Variants in IQANK1 observed in about 807,000 individuals in gnomAD.
IQANK1 encodes IQ motif and ankyrin repeat containing 1.
Under a neutral mutation model 22.6 loss-of-function variants are expected in IQANK1, and 30 were observed. That is an observed-to-expected ratio of 1.33 (90% CI 0.99 to 1.80). The LOEUF (loss-of-function observed/expected upper bound fraction) is 1.80, where lower values mean the gene tolerates loss of function less well. Among genes scored for constraint, IQANK1 ranks in the 40% most tolerant of loss-of-function variants. IQANK1 has a pLI of 0.00. For missense variants in IQANK1, 275 were observed against 235.2 expected (o/e 1.17, Z -1.11); for synonymous variants, 122 against 99.6 (o/e 1.23, Z -1.34).
At chr8:143,743,847 T>G (rs1554626941) in intron 3 of IQANK1, 2 of 340,600 alleles carry the variant, frequency 5.9e-6, no homozygotes, top group African/African-American at 4.4e-5. Context: ...ATTCTTTTTC[T>G]TTTTTTTTTG....
Position 143,748,432 on chromosome 8 carries a change from TATATATAAATATATATATC to T in IQANK1, c.175+8498_175+8516del, listed in dbSNP as rs1219295616. ...TGTGTTGGCTTTTGCTTCATATATG[TATATATAAATATATATATC>T]ATATATAAATATACATGATATATAA... On this transcript the variant is annotated intron_variant, in intron 3 of 13. Transcript: ENST00000527139. Among the ~76,000 whole-genome samples, 4 of 143,630 alleles carry T rather than the reference TATATATAAATATATATATC, an allele frequency of 2.8e-5. No homozygotes were observed. The East Asian group carries it at 7.8e-4, about 28-fold the overall frequency. The allele number at this position is 143,630 out of a possible 152,430, so 94.2% of individuals were successfully genotyped here.
chr8:143,779,301 G>GCAA (rs1819750617), intron 7 of IQANK1, among the ~76,000 whole-genome samples: 1 of 152,026 alleles, frequency 6.6e-6, no homozygotes, highest in Admixed American at 6.6e-5. Flanking sequence ...AGAAAATTAT[G>GCAA]AGAAAGCAAA....
chr8:143,762,966 TCTTTCCTTTC>T (rs1210538381), intron 3 of IQANK1, among the ~76,000 whole-genome samples: 1 of 149,982 alleles, frequency 6.7e-6, no homozygotes, highest in African/African-American at 2.5e-5. Flanking sequence ...TCTTTTCTTT[TCTTTCCTTTC>T]CTTTCCTTTT....
At position 143,789,835 on chromosome 8, in the gene IQANK1, G is replaced by A. The variant is rs1180047187; in HGVS notation, c.1161G>A (p.Met387Ile). The A allele has an allele frequency of 2.4e-6, 3 of 1,232,096 alleles. No homozygotes were observed. The highest frequency in any genetic ancestry group is 8.4e-5 in the Admixed American group (2 of 23,712). The allele number at this position is 1,232,096 out of a possible 1,614,324, so 76.3% of individuals were successfully genotyped here. Residue 387 changes from methionine to isoleucine, a missense_variant, in exon 11 of 14, where the codon ATG becomes ATA. Transcript: ENST00000527139. ...AGAAGGCCGAGGAGGCGCTGGCTAT[G>A]GCCAGGCTGGAGCTTCGGGAGCAGA... ...EAQKAEEALA[M>I]ARLELREQTQ...
rs1330151650 is a variant in IQANK1 at position 143,734,191 on chromosome 8, CGCCGAG to C, written c.-32_-27del. 18 of 152,178 alleles carry C rather than the reference CGCCGAG, an allele frequency of 1.2e-4. No individual in the cohort carries two copies. The highest frequency in any genetic ancestry group is 4.1e-4 in the African/African-American group (17 of 41,442). 9.4% of individuals were successfully genotyped at this position (152,178 alleles called of 1,614,324 possible). On this transcript the variant is annotated 5_prime_UTR_variant, in exon 1 of 14. Transcript: ENST00000527139. ...GCCAGGGGCGGAGCTCTGGCCTCCT[CGCCGAG>C]TTGGGGGAGGCAGGTGCGACAGGTG...
At position 143,789,193 on chromosome 8, in the gene IQANK1, A is replaced by T; in HGVS notation, c.943A>T (p.Thr315Ser). The change falls in exon 9 of 14, where the codon ACC becomes TCC. Residue 315 changes from threonine (T) to serine (S), a missense_variant. Physicochemically the swap from Thr to Ser is moderately conservative, Grantham distance 58. Coordinates refer to ENST00000527139, the MANE Select transcript of IQANK1 (RefSeq NM_001381874.1). ...CAGCTCATTCCTGCTCCTTAGTATGACCCTCAAGGTCCAACAGCTGACCAG... is the reference window on the plus strand; with the variant it reads ...CAGCTCATTCCTGCTCCTTAGTATGTCCCTCAAGGTCCAACAGCTGACCAG... ...EAEAERCGSM[T>S]LKVQQLTREQ... 2.5e-6 allele frequency: 1 copy of T among 399,154 alleles called. No homozygotes were observed. Among genetic ancestry groups the T allele is most frequent in the East Asian group, 3.6e-5 (1 of 28,028 alleles). The allele number at this position is 399,154 out of a possible 1,614,324, so 24.7% of individuals were successfully genotyped here. A position where few individuals can be genotyped will look rare whatever the true frequency, so the allele number is the denominator to read the frequency against.
intron 3 of IQANK1, among the ~76,000 whole-genome samples, chr8:143,756,400 A>T (rs150252081): frequency 6.6e-6 from 1 of 152,038 alleles, no homozygotes; most frequent in African/African-American, 2.4e-5. Flanking sequence ...GCTTCCCAGG[A>T]TGCCATTGGT....
At chr8:143,761,807 TG>T (rs1450837960) in intron 3 of IQANK1, among the ~76,000 whole-genome samples, 13 of 84,442 alleles carry the variant, frequency 1.5e-4, no homozygotes, top group Non-Finnish European at 2.9e-4. Context: ...TAAATTTCAG[TG>T]TTTTTTTTTT....
At chr8:143,769,139 TGC>T (rs1819528793) in intron 3 of IQANK1, among the ~76,000 whole-genome samples, 1 of 151,888 alleles carries the variant, frequency 6.6e-6, no homozygotes, top group East Asian at 1.9e-4. Context: ...CATGGCTCAC[TGC>T]AGCATTGACC....
chr8:143,775,305 A>C (rs782807785), intron 7 of IQANK1, among the ~76,000 whole-genome samples: 3 of 151,750 alleles, frequency 2.0e-5, no homozygotes, highest in Non-Finnish European at 4.4e-5. Flanking sequence ...AAAATTCAAA[A>C]TAAAAATTTA....
chr8:143,742,376 G>A (rs1357100285), intron 3 of IQANK1: 1 of 455,848 alleles, frequency 2.2e-6, no homozygotes, highest in Non-Finnish European at 4.4e-6. Flanking sequence ...AGGTCAGGCT[G>A]GAGTTGGTGT....
At chr8:143,741,307 T>C (rs2129778591) in intron 3 of IQANK1, among the ~76,000 whole-genome samples, 1 of 152,266 alleles carries the variant, frequency 6.6e-6, no homozygotes, top group African/African-American at 2.4e-5. Context: ...CTCCATCTTG[T>C]CGAGGGAAAC....
chr8:143,777,917 G>A (rs569655891), intron 7 of IQANK1, among the ~76,000 whole-genome samples: 6 of 152,212 alleles, frequency 3.9e-5, no homozygotes, highest in African/African-American at 1.2e-4. Flanking sequence ...GATTGTTGCC[G>A]GGCGCGGTGG....
intron 2 of IQANK1, among the ~76,000 whole-genome samples, chr8:143,738,188 G>A (rs922203433): frequency 1.3e-5 from 2 of 152,306 alleles, no homozygotes; most frequent in Non-Finnish European, 2.9e-5. Flanking sequence ...GGCCCTGCCT[G>A]CCCTCCTGGC....
intron 3 of IQANK1, among the ~76,000 whole-genome samples, chr8:143,764,153 C>T (rs776788627): frequency 1.3e-5 from 2 of 152,046 alleles, no homozygotes; most frequent in South Asian, 2.1e-4. Flanking sequence ...CGGAAGGACT[C>T]GGCGGCAGAG....
chr8:143,741,449 T>A, intron 3 of IQANK1, among the ~76,000 whole-genome samples: 1 of 152,134 alleles, frequency 6.6e-6, no homozygotes, highest in African/African-American at 2.4e-5. Flanking sequence ...CCATGGTGCC[T>A]CTTTTTGCTA....
At chr8:143,765,572 C>G (rs1554629170) in intron 3 of IQANK1, among the ~76,000 whole-genome samples, 1 of 152,166 alleles carries the variant, frequency 6.6e-6, no homozygotes, top group Non-Finnish European at 1.5e-5. Flanking sequence ...GCCCATTGCT[C>G]TATGGATTAC....
intron 2 of IQANK1, among the ~76,000 whole-genome samples, chr8:143,737,495 G>A (rs1337428818): frequency 1.3e-5 from 2 of 152,316 alleles, no homozygotes; most frequent in Non-Finnish European, 2.9e-5. Flanking sequence ...GGCGGGCACC[G>A]GCTTCACTTG....
At chr8:143,742,088 C>T in intron 3 of IQANK1, 1 of 337,124 alleles carries the variant, frequency 3.0e-6, no homozygotes, top group South Asian at 2.4e-5. Context: ...AGGAGCGTCC[C>T]CACAGGATGC....
Sources: allele counts gnomAD v4.1 joint callset (sites outside exome capture counted in the v4.1 genomes callset), GRCh38; gene constraint gnomAD v4.1.1; transcripts MANE v1.5; gene names NCBI Gene and HGNC (gene_info 2026-07-23, HGNC 2026-07-21).